Variants in ZNRF3 observed in about 807,000 individuals in gnomAD.
ZNRF3 encodes the protein zinc and ring finger 3, also known as E3 ubiquitin-protein ligase ZNRF3.
ZNRF3 carries 23 observed loss-of-function variants against 72.5 expected under a neutral mutation model. The observed-to-expected ratio is 0.32, with a 90% CI of 0.23 to 0.45. The LOEUF (loss-of-function observed/expected upper bound fraction) is 0.45. Among genes scored for constraint, ZNRF3 ranks in the 20% least tolerant of loss-of-function variants. The pLI is 1.00. For synonymous variants in ZNRF3, 610 were observed against 545.3 expected (o/e 1.12, Z -1.65); for missense variants, 1,169 against 1,272.1 (o/e 0.92, Z 1.23).
intron 1 of ZNRF3, among the ~76,000 whole-genome samples, chr22:28,969,394 G>A (rs1467034530): frequency 1.3e-5 from 2 of 152,192 alleles, no homozygotes; most frequent in Non-Finnish European, 2.9e-5. Flanking sequence ...TTGGAATGGA[G>A]GGGAGGGAAA....
At chr22:28,995,277 C>CA (rs888007740) in intron 2 of ZNRF3, among the ~76,000 whole-genome samples, 2 of 151,876 alleles carry the variant, frequency 1.3e-5, no homozygotes, top group African/African-American at 2.4e-5. Flanking sequence ...ACTAAAAATA[C>CA]AAAAAAATTA....
chr22:28,980,529 G>A (rs1299451906), intron 1 of ZNRF3, among the ~76,000 whole-genome samples: 1 of 152,160 alleles, frequency 6.6e-6, no homozygotes, highest in Non-Finnish European at 1.5e-5. Flanking sequence ...GAGAGGGTAA[G>A]AGCCACAGTT....
intron 1 of ZNRF3, among the ~76,000 whole-genome samples, chr22:28,932,218 G>A (rs889311404): frequency 2.0e-5 from 3 of 152,178 alleles, no homozygotes; most frequent in Non-Finnish European, 4.4e-5. Context: ...TGGAAGAGCT[G>A]ATGGCTTATC....
chr22:29,040,518 A>G (rs2123879720), intron 2 of ZNRF3, among the ~76,000 whole-genome samples: 1 of 152,036 alleles, frequency 6.6e-6, no homozygotes, highest in Middle Eastern at 3.4e-3. Context: ...CAGATGGGGA[A>G]ACTGAGGCTG....
rs537779234 is a variant in ZNRF3 at position 28,972,830 on chromosome 22, T to C, written c.301-14246T>C. 2.0e-4 allele frequency among the ~76,000 whole-genome samples: 30 copies of C among 152,370 alleles called. No homozygotes were observed. The South Asian group carries it at 2.7e-3, about 14-fold the overall frequency. ...TGCATTTCCTTGATGGCTAATGATATTGAGCATCTTTTAATGTGCTTGTTG... is the reference window on the plus strand; with the variant it reads ...TGCATTTCCTTGATGGCTAATGATACTGAGCATCTTTTAATGTGCTTGTTG... On this transcript the variant is annotated intron_variant, in intron 1 of 8. Coordinates refer to ENST00000544604, the MANE Select transcript of ZNRF3 (RefSeq NM_001206998.2).
At chr22:29,047,590 G>A (rs1366986570) in intron 6 of ZNRF3, among the ~76,000 whole-genome samples, 2 of 152,192 alleles carry the variant, frequency 1.3e-5, no homozygotes, top group Non-Finnish European at 2.9e-5. Flanking sequence ...AAGTGACTTC[G>A]TTTTCTTGTG....
intron 2 of ZNRF3, among the ~76,000 whole-genome samples, chr22:29,009,518 A>T (rs917366615): frequency 3.9e-5 from 6 of 152,216 alleles, no homozygotes; most frequent in Admixed American, 1.3e-4. Context: ...GCTTAGGCCT[A>T]GAAATAGATT....
intron 1 of ZNRF3, among the ~76,000 whole-genome samples, chr22:28,961,853 A>T (rs2035366681): frequency 6.6e-6 from 1 of 152,202 alleles, no homozygotes; most frequent in Non-Finnish European, 1.5e-5. Context: ...TTCCTTGCTG[A>T]CTTCCTGTGG....
At chr22:28,885,230 T>G (rs773594912) in intron 1 of ZNRF3, among the ~76,000 whole-genome samples, 3 of 152,108 alleles carry the variant, frequency 2.0e-5, no homozygotes, top group Non-Finnish European at 2.9e-5. Context: ...AAGCCCTGCC[T>G]TCATAGGACA....
At chr22:29,015,670 A>C (rs201793203) in intron 2 of ZNRF3, among the ~76,000 whole-genome samples, 63,286 of 131,774 alleles carry the variant, frequency 0.48, 13,980 homozygotes, top group Non-Finnish European at 0.51. Flanking sequence ...ATTCTGTTTA[A>C]AAAAAAAAAA....
At position 29,049,980 on chromosome 22, in the gene ZNRF3, G is replaced by T. The variant is rs755739062; in HGVS notation, c.1799G>T (p.Arg600Leu). The T allele has an allele frequency of 6.2e-7, 1 of 1,612,184 alleles. No individual in the cohort carries two copies. ...LSSDYDPFIY[R>L]SRSPCRASEA... ...AGCGACTATGACCCCTTCATCTACC[G>T]CAGCCGGAGCCCCTGTCGTGCCAGT... is the stretch of plus-strand genomic sequence containing the variant. The change falls in exon 8 of 9, where the codon CGC (arginine) becomes CTC (leucine). Residue 600 changes from arginine to leucine, a missense_variant. By Grantham distance (102) the Arg-to-Leu change is moderately radical. Transcript: ENST00000544604. The surrounding 1 kb of genome is among the most constrained non-coding windows in gnomAD (Gnocchi z 5.2).
At chr22:29,053,530 T>A in intron 8 of ZNRF3, 49 bp from the exon 9 acceptor site, 2 of 1,591,986 alleles carry the variant, frequency 1.3e-6, no homozygotes, top group African/African-American at 1.3e-5. Flanking sequence ...CCTGGTCCCA[T>A]GTGTGGTGCC....
Position 29,053,855 on chromosome 22 carries a change from C to T in ZNRF3, c.*233C>T. 1 of 457,874 alleles carries T rather than the reference C, an allele frequency of 2.2e-6. No individual in the cohort carries two copies. The highest frequency in any genetic ancestry group is 3.9e-6 in the Non-Finnish European group (1 of 258,066). 28.4% of individuals were successfully genotyped at this position (457,874 alleles called of 1,614,324 possible). On this transcript the variant is annotated 3_prime_UTR_variant, in exon 9 of 9. Transcript: ENST00000544604. ...CCGAGTCCTTTGCCTCTTTTGATAA[C>T]ATGTTGTTCTGTTTTGTAAAGTGTG...
At position 29,053,731 on chromosome 22, in the gene ZNRF3, A is replaced by G; in HGVS notation, c.*109A>G. On this transcript the variant is annotated 3_prime_UTR_variant, in exon 9 of 9. Transcript: ENST00000544604. ...TTTTTTAGCTTTGACAAACACACAA[A>G]AGTGGTAATAAAGAGAGCCCTCCTT... 8.7e-7 allele frequency: 1 copy of G among 1,150,944 alleles called. No individual in the cohort carries two copies. The highest frequency in any genetic ancestry group is 1.2e-6 in the Non-Finnish European group (1 of 810,066). The allele number at this position is 1,150,944 out of a possible 1,614,324, so 71.3% of individuals were successfully genotyped here.
intron 1 of ZNRF3, among the ~76,000 whole-genome samples, chr22:28,941,503 A>T (rs2034947102): frequency 6.6e-6 from 1 of 152,122 alleles, no homozygotes; most frequent in Non-Finnish European, 1.5e-5. Context: ...TTGGCTGAGG[A>T]CAAATATAGA....
chr22:28,959,617 G>A (rs1227406958), intron 1 of ZNRF3, among the ~76,000 whole-genome samples: 3 of 152,216 alleles, frequency 2.0e-5, no homozygotes, highest in African/African-American at 4.8e-5. Flanking sequence ...TTTCTGTCAT[G>A]TAGACAAGTA....
chr22:28,911,362 C>T (rs1158245098), intron 1 of ZNRF3, among the ~76,000 whole-genome samples: 3 of 152,190 alleles, frequency 2.0e-5, no homozygotes, highest in Non-Finnish European at 4.4e-5. Context: ...TTTTTGGTGA[C>T]ACAACTCCCG....
chr22:28,884,182 G>C, intron 1 of ZNRF3, 116 bp downstream of exon 1: 1 of 823,068 alleles, frequency 1.2e-6, no homozygotes, highest in Non-Finnish European at 1.5e-6. Context: ...AGGGGTGGCC[G>C]AGAGGCCGGC....
At chr22:28,966,137 C>G (rs1164218512) in intron 1 of ZNRF3, among the ~76,000 whole-genome samples, 1 of 152,200 alleles carries the variant, frequency 6.6e-6, no homozygotes, top group Non-Finnish European at 1.5e-5. Flanking sequence ...TCCTAAAGCC[C>G]TGACTGGCAA....
Sources: gnomAD v4.1 joint callset for allele counts (sites outside exome capture counted in the v4.1 genomes callset) on GRCh38, gnomAD v4.1.1 for gene constraint, Gnocchi (gnomAD v3.1) non-coding constraint, MANE v1.5 for transcripts, NCBI Gene and HGNC (gene_info 2026-07-23, HGNC 2026-07-21) for gene names.